The following THSD7B variants were observed in gnomAD, a reference collection of about 807,000 sequenced individuals.
The protein encoded by THSD7B is thrombospondin type 1 domain containing 7B.
THSD7B carries 138 observed loss-of-function variants against 213.6 expected under a neutral mutation model. The observed-to-expected ratio is 0.65, with a 90% CI of 0.56 to 0.74. The LOEUF (loss-of-function observed/expected upper bound fraction) is 0.74, where lower values mean the gene tolerates loss of function less well. Among genes scored for constraint, THSD7B ranks in the 30% least tolerant of loss-of-function variants. The pLI is 0.00. For synonymous variants in THSD7B, 742 were observed against 687.0 expected (o/e 1.08, Z -1.25); for missense variants, 1,931 against 1,991.5 (o/e 0.97, Z 0.58).
chr2:137,492,160 G>A (rs1475385379), intron 15 of THSD7B, among the ~76,000 whole-genome samples: 3 of 152,068 alleles, frequency 2.0e-5, no homozygotes, highest in Non-Finnish European at 2.9e-5. Context: ...CAAAGCAAGG[G>A]AAATGAAACT....
chr2:136,767,985 C>T (rs908240665), intron 1 of THSD7B, among the ~76,000 whole-genome samples: 1 of 152,122 alleles, frequency 6.6e-6, no homozygotes, highest in African/African-American at 2.4e-5. Flanking sequence ...CACTGTTAGA[C>T]AGGTAGAAAA....
At chr2:137,577,059 C>A (rs1313491951) in intron 17 of THSD7B, among the ~76,000 whole-genome samples, 1 of 152,090 alleles carries the variant, frequency 6.6e-6, no homozygotes, top group East Asian at 1.9e-4. Context: ...AACCCTCATA[C>A]TACCTAGTTC....
chr2:136,866,368 A>G (rs1017733252), intron 1 of THSD7B, among the ~76,000 whole-genome samples: 1 of 152,202 alleles, frequency 6.6e-6, no homozygotes, highest in African/African-American at 2.4e-5. Context: ...GACAGAGGTC[A>G]CGTTCTGTAT....
rs184158612 is a variant in THSD7B at position 136,766,429 on chromosome 2, A to G, written c.-36+742A>G. 1.6e-3 allele frequency among the ~76,000 whole-genome samples: 244 copies of G among 151,926 alleles called. 3 individuals carry two copies. Among genetic ancestry groups the G allele is most frequent in the African/African-American group, 5.7e-3 (236 of 41,412 alleles). ...GGGGCAGGGAGGGGGGGACAGGCAT[A>G]TTTTCTACTGCATCGCCCATCTGCA... On this transcript the variant is annotated intron_variant, in intron 1 of 27. Transcript: ENST00000409968.
intron 2 of THSD7B, among the ~76,000 whole-genome samples, chr2:136,914,489 C>T (rs549933198): frequency 6.6e-6 from 1 of 152,288 alleles, no homozygotes; most frequent in South Asian, 2.1e-4. Flanking sequence ...GCTGTGTCCC[C>T]ACCAAAATCT....
chr2:137,551,299 TAGTC>T (rs1468938119), intron 15 of THSD7B, among the ~76,000 whole-genome samples: 5 of 152,154 alleles, frequency 3.3e-5, no homozygotes, highest in Non-Finnish European at 7.4e-5. Flanking sequence ...TACTCTTTCT[TAGTC>T]AGCCTGAATT....
intron 6 of THSD7B, among the ~76,000 whole-genome samples, chr2:137,169,868 A>T (rs1031328380): frequency 6.6e-6 from 1 of 152,198 alleles, no homozygotes; most frequent in Non-Finnish European, 1.5e-5. Context: ...ATTTAAAAAT[A>T]GAGGGATTTC....
intron 3 of THSD7B, among the ~76,000 whole-genome samples, chr2:137,078,173 C>G (rs57237606): frequency 0.095 from 14,502 of 152,168 alleles, 941 homozygotes; most frequent in African/African-American, 0.18. Flanking sequence ...CTGTTCTGTT[C>G]CATTGATCTA....
chr2:137,662,117 C>A (rs944585113), intron 25 of THSD7B, among the ~76,000 whole-genome samples: 20 of 146,140 alleles, frequency 1.4e-4, no homozygotes, highest in African/African-American at 5.1e-4. Flanking sequence ...GGCTGGAGTG[C>A]AGTGGCATGA....
chr2:137,324,761 G>A (rs547433374), intron 12 of THSD7B, among the ~76,000 whole-genome samples: 1 of 152,116 alleles, frequency 6.6e-6, no homozygotes, highest in Non-Finnish European at 1.5e-5. Context: ...CAAATCAAGG[G>A]TATAAAAACA....
intron 1 of THSD7B, among the ~76,000 whole-genome samples, chr2:136,876,456 A>G (rs1683527518): frequency 6.6e-6 from 1 of 152,220 alleles, no homozygotes; most frequent in African/African-American, 2.4e-5. Context: ...TGTATTATGC[A>G]GAATTAACCA....
chr2:137,433,267 T>A (rs1416063108), intron 14 of THSD7B, among the ~76,000 whole-genome samples: 1 of 152,094 alleles, frequency 6.6e-6, no homozygotes, highest in Non-Finnish European at 1.5e-5. Context: ...AGTAGTTGTG[T>A]AATAGGCAAA....
chr2:137,296,718 C>T (rs1683472386), intron 12 of THSD7B, among the ~76,000 whole-genome samples: 1 of 152,026 alleles, frequency 6.6e-6, no homozygotes, highest in Non-Finnish European at 1.5e-5. Flanking sequence ...TCCTCAACTC[C>T]CTTATAATTA....
chr2:137,044,155 A>C (rs1455215613), intron 2 of THSD7B, among the ~76,000 whole-genome samples: 2 of 152,184 alleles, frequency 1.3e-5, no homozygotes, highest in Non-Finnish European at 2.9e-5. Flanking sequence ...CTTGAAGCAC[A>C]GCTGCTCCTG....
chr2:137,207,732 A>G (rs1007987545), intron 7 of THSD7B, among the ~76,000 whole-genome samples: 1 of 152,178 alleles, frequency 6.6e-6, no homozygotes. Flanking sequence ...GCCCTTGACT[A>G]TACTTCTCTC....
intron 15 of THSD7B, among the ~76,000 whole-genome samples, chr2:137,541,151 A>G (rs1286264606): frequency 6.6e-6 from 1 of 151,782 alleles, no homozygotes; most frequent in Non-Finnish European, 1.5e-5. Flanking sequence ...AACAACATAC[A>G]TATCATAGAG....
chr2:137,377,409 A>T (rs77336881), intron 12 of THSD7B, among the ~76,000 whole-genome samples: 4,873 of 152,220 alleles, frequency 0.032, 265 homozygotes, highest in African/African-American at 0.11. Context: ...ACTTTTATTT[A>T]AAAAAGTTAA....
intron 2 of THSD7B, among the ~76,000 whole-genome samples, chr2:137,019,901 AG>A (rs1311256438): frequency 2.6e-5 from 4 of 152,160 alleles, no homozygotes; most frequent in African/African-American, 9.6e-5. Flanking sequence ...TGGCTCTGAT[AG>A]TTACCCGTGG....
intron 7 of THSD7B, among the ~76,000 whole-genome samples, chr2:137,221,666 G>C (rs1681374356): frequency 1.3e-5 from 2 of 152,200 alleles, no homozygotes; most frequent in Admixed American, 6.5e-5. Context: ...ATTTATCACA[G>C]AGAAATTGAA....
Sources: gnomAD v4.1 joint callset for allele counts (sites outside exome capture counted in the v4.1 genomes callset) on GRCh38, gnomAD v4.1.1 for gene constraint, MANE v1.5 for transcripts, NCBI Gene and HGNC (gene_info 2026-07-23, HGNC 2026-07-21) for gene names.